The following NAA35 variants were observed in gnomAD, a reference collection of about 807,000 sequenced individuals.
NAA35 encodes MAK10 homolog, amino-acid N-acetyltransferase subunit.
Under a neutral mutation model 101.7 loss-of-function variants are expected in NAA35, and 18 were observed. The ratio of observed to expected loss-of-function variants is 0.18; its 90% CI spans 0.12 to 0.26. The LOEUF (loss-of-function observed/expected upper bound fraction) is 0.26, where lower values mean the gene tolerates loss of function less well. Among genes scored for constraint, NAA35 ranks in the 10% least tolerant of loss-of-function variants. NAA35 has a pLI of 1.00. For missense variants in NAA35, 601 were observed against 886.8 expected, an observed-to-expected ratio of 0.68 and a Z score of 4.09; for synonymous variants, 267 against 273.1, an observed-to-expected ratio of 0.98 and a Z score of 0.22.
chr9:86,013,957 C>CA, intron 17 of NAA35, 60 bp downstream of exon 17: 2 of 1,278,840 alleles, frequency 1.6e-6, no homozygotes, highest in Non-Finnish European at 2.1e-6. Flanking sequence ...TCTGAGAATT[C>CA]AGAGTTAATT....
Position 86,020,918 on chromosome 9 carries a change from C to T in NAA35, c.2067C>T (p.Pro689=). The stretch of plus-strand genomic sequence containing the variant: ...ATAGAATTTTAAAGGTTGCCAAACC[C>T]AACTTTGTGGTTATGAAGTTATTGG... The part of the protein sequence containing the change: ...EVNRILKVAK[P]NFVVMKLLAG... Residue 689 remains proline (P), a synonymous_variant, in exon 22 of 23, where the codon CCC becomes CCT. Transcript: ENST00000361671. The T allele has an allele frequency of 1.2e-6, 2 of 1,613,300 alleles. No individual in the cohort carries two copies. Among genetic ancestry groups the T allele is most frequent in the Non-Finnish European group, 1.7e-6 (2 of 1,179,606 alleles).
chr9:85,955,158 C>T (rs1216701950), intron 2 of NAA35, among the ~76,000 whole-genome samples: 2 of 151,102 alleles, frequency 1.3e-5, no homozygotes, highest in African/African-American at 2.4e-5. Flanking sequence ...CTCAGGTGAT[C>T]CACTAACTTC....
chr9:85,969,435 C>T (rs1380620818), intron 6 of NAA35, among the ~76,000 whole-genome samples: 2 of 152,098 alleles, frequency 1.3e-5, no homozygotes, highest in Non-Finnish European at 1.5e-5. Flanking sequence ...GTGATAACTT[C>T]TGTTTGTGCA....
intron 11 of NAA35, among the ~76,000 whole-genome samples, chr9:85,994,332 C>A (rs1831065874): frequency 6.6e-6 from 1 of 152,190 alleles, no homozygotes; most frequent in African/African-American, 2.4e-5. Context: ...TCCCCACAAA[C>A]CCTCACGGCC....
intron 5 of NAA35, among the ~76,000 whole-genome samples, chr9:85,960,177 T>C (rs891256417): frequency 4.6e-5 from 7 of 152,236 alleles, no homozygotes; most frequent in Non-Finnish European, 2.9e-5. Flanking sequence ...GTTTCATAAA[T>C]AAGCATGGAA....
intron 2 of NAA35, among the ~76,000 whole-genome samples, chr9:85,950,313 T>G (rs1305187613): frequency 6.6e-6 from 1 of 152,224 alleles, no homozygotes; most frequent in African/African-American, 2.4e-5. Flanking sequence ...TGGCACAATC[T>G]CAGCTCACTG....
chr9:86,022,125 A>G lies in NAA35; in HGVS notation c.*165A>G, dbSNP rs2118542273. On this transcript the variant is annotated 3_prime_UTR_variant, in exon 23 of 23. Transcript: ENST00000361671. ...TTGACAGCCTTATATGACATGAATG[A>G]AAACTGCTGTTTTAAAGTGGTTTAT... 1 of 560,736 alleles carries G rather than the reference A, an allele frequency of 1.8e-6. No homozygotes were observed. Among genetic ancestry groups the G allele is most frequent in the East Asian group, 3.0e-5 (1 of 33,308 alleles). 34.7% of individuals were successfully genotyped at this position (560,736 alleles called of 1,614,324 possible).
chr9:85,956,447 T>TTTTC, intron 3 of NAA35, 54 bp downstream of exon 3: 1 of 1,102,520 alleles, frequency 9.1e-7, no homozygotes, highest in Non-Finnish European at 1.3e-6. Context: ...TCTGTTTTTT[T>TTTTC]TTCCTCATGT....
intron 2 of NAA35, among the ~76,000 whole-genome samples, chr9:85,955,306 C>G (rs868451919): frequency 3.5e-5 from 5 of 142,026 alleles, no homozygotes; most frequent in African/African-American, 1.3e-4. Context: ...ACACCTTCCA[C>G]AGGATTTAGC....
intron 10 of NAA35, among the ~76,000 whole-genome samples, chr9:85,978,024 G>T (rs1242096899): frequency 7.1e-6 from 1 of 139,984 alleles, no homozygotes; most frequent in African/African-American, 2.6e-5. Context: ...TTTTTATTGT[G>T]AAAAAAAAAA....
At chr9:85,959,476 G>A (rs906754773) in intron 4 of NAA35, among the ~76,000 whole-genome samples, 3 of 151,500 alleles carry the variant, frequency 2.0e-5, no homozygotes, top group Admixed American at 1.3e-4. Context: ...TTTGAACTGT[G>A]CTTTTAAAAT....
chr9:85,957,332 C>G (rs898187114), intron 3 of NAA35, among the ~76,000 whole-genome samples: 1 of 152,130 alleles, frequency 6.6e-6, no homozygotes, highest in Non-Finnish European at 1.5e-5. Flanking sequence ...TTGTCATATT[C>G]ATGTTGAGTA....
At chr9:86,004,633 A>G (rs1831554032) in intron 13 of NAA35, among the ~76,000 whole-genome samples, 1 of 152,242 alleles carries the variant, frequency 6.6e-6, no homozygotes, top group African/African-American at 2.4e-5. Context: ...CCCAAAGCTC[A>G]TTCTTTGAAA....
chr9:85,966,556 CTTTCT>C, intron 6 of NAA35: 3 of 1,016,818 alleles, frequency 3.0e-6, no homozygotes, highest in Non-Finnish European at 3.9e-6. Context: ...TTTTTTCTTT[CTTTCT>C]TTTTTTTTTA....
chr9:85,995,517 A>G (rs79331712), intron 11 of NAA35, among the ~76,000 whole-genome samples: 2,756 of 152,180 alleles, frequency 0.018, 32 homozygotes, highest in Non-Finnish European at 0.028. Context: ...GCGTGGTCCT[A>G]AAGAACAATT....
chr9:85,974,947 A>C lies in NAA35; in HGVS notation c.517-20A>C, dbSNP rs1469962622. On this transcript the variant is annotated intron_variant, in intron 6 of 22. Coordinates refer to ENST00000361671, the MANE Select transcript of NAA35 (RefSeq NM_024635.4). ...AGGTTTTTTGCTATTCATGAGCCTGATTATTTCCTTTTTGTATAGGAAGAT... is the reference window on the plus strand; with the variant it reads ...AGGTTTTTTGCTATTCATGAGCCTGCTTATTTCCTTTTTGTATAGGAAGAT... 1 of 1,592,192 alleles carries C rather than the reference A, an allele frequency of 6.3e-7. No individual in the cohort carries two copies. Among genetic ancestry groups the C allele is most frequent in the Non-Finnish European group, 8.6e-7 (1 of 1,163,516 alleles).
At chr9:85,941,926 A>G in intron 1 of NAA35, 1 of 1,234,368 alleles carries the variant, frequency 8.1e-7, no homozygotes, top group Non-Finnish European at 1.0e-6. Flanking sequence ...CAAAATGTTT[A>G]TGGGCCCTGG....
intron 11 of NAA35, among the ~76,000 whole-genome samples, chr9:85,988,423 T>G (rs1830742825): frequency 6.6e-6 from 1 of 152,094 alleles, no homozygotes; most frequent in East Asian, 1.9e-4. Flanking sequence ...CAGGCAGAGT[T>G]CAGGAAAGCA....
intron 12 of NAA35, among the ~76,000 whole-genome samples, 187 bp downstream of exon 12, chr9:85,996,764 T>A (rs17353510): frequency 0.044 from 6,759 of 152,256 alleles, 203 homozygotes; most frequent in Middle Eastern, 0.099. Context: ...AAGTGGTTCA[T>A]AAATACTATA....
Sources: allele counts gnomAD v4.1 joint callset (sites outside exome capture counted in the v4.1 genomes callset), GRCh38; gene constraint gnomAD v4.1.1; transcripts MANE v1.5; gene names NCBI Gene and HGNC (gene_info 2026-07-23, HGNC 2026-07-21).